The following MGA variants were observed in gnomAD, a reference collection of about 807,000 sequenced individuals.
MGA encodes MAX gene-associated protein.
Under a neutral mutation model 261.1 loss-of-function variants are expected in MGA, and 40 were observed. That is an observed-to-expected ratio of 0.15 (90% CI 0.12 to 0.20). MGA has a LOEUF of 0.20. Among genes scored for constraint, MGA ranks in the 10% least tolerant of loss-of-function variants. MGA has a pLI of 1.00. For synonymous variants in MGA, 1,302 were observed against 1,290.6 expected (o/e 1.01, Z -0.19); for missense variants, 3,397 against 3,630.5 (o/e 0.94, Z 1.65).
intron 5 of MGA, among the ~76,000 whole-genome samples, chr15:41,701,183 C>A (rs1413878817): frequency 6.6e-6 from 1 of 151,840 alleles, no homozygotes; most frequent in African/African-American, 2.4e-5. Context: ...CTTTTTTTCT[C>A]CCCTTTTCCT....
chr15:41,727,169 T>G lies in MGA; in HGVS notation c.3431-11T>G, dbSNP rs562458895. Reference sequence around the variant, plus strand: ...AAAGTACCTAAAACCTTACCCTTCTTTTTTGTTAAGCTATATGTGAGACAG... The same window carrying G: ...AAAGTACCTAAAACCTTACCCTTCTGTTTTGTTAAGCTATATGTGAGACAG... On this transcript the variant is annotated splice_polypyrimidine_tract_variant and intron_variant, in intron 9 of 23. Coordinates refer to ENST00000219905, the MANE Select transcript of MGA (RefSeq NM_001164273.2). The G allele has an allele frequency of 3.7e-6, 6 of 1,603,692 alleles. No homozygotes were observed. Among genetic ancestry groups the G allele is most frequent in the Non-Finnish European group, 4.3e-6 (5 of 1,174,796 alleles).
At chr15:41,717,375 T>A (rs1271576972) in intron 9 of MGA, among the ~76,000 whole-genome samples, 1 of 151,952 alleles carries the variant, frequency 6.6e-6, no homozygotes, top group Non-Finnish European at 1.5e-5. Context: ...AGAAAAAAAA[T>A]CAATAAAATT....
intron 2 of MGA, among the ~76,000 whole-genome samples, chr15:41,679,703 C>T (rs4465584): frequency 0.78 from 118,982 of 151,840 alleles, 47,096 homozygotes; most frequent in East Asian, 0.89. Context: ...AAGTGAGTGG[C>T]TTGTGTGTGT....
chr15:41,625,738 A>G (rs2056434655), intron 1 of MGA, among the ~76,000 whole-genome samples: 1 of 152,116 alleles, frequency 6.6e-6, no homozygotes, highest in Non-Finnish European at 1.5e-5. Flanking sequence ...AATAAAAATA[A>G]ATAAATACGG....
intron 1 of MGA, among the ~76,000 whole-genome samples, chr15:41,636,089 A>G (rs571354565): frequency 7.9e-5 from 12 of 152,168 alleles, no homozygotes; most frequent in African/African-American, 2.6e-4. Context: ...TGCATTTACT[A>G]TACTATACTT....
chr15:41,644,409 A>C lies in MGA; in HGVS notation c.-68+23111A>C, dbSNP rs559305020. ...GGTGGCTCACATCTGTAATCCCAGC[A>C]CTTAGGGAGGCCGAGGTTGGAGGAT... On this transcript the variant is annotated intron_variant, in intron 1 of 8. Transcript: ENST00000566718. Among the ~76,000 whole-genome samples the C allele has an allele frequency of 2.6e-5, 4 of 151,236 alleles. No individual in the cohort carries two copies. In the South Asian group the frequency reaches 8.4e-4, roughly 32 times the overall value.
intron 15 of MGA, among the ~76,000 whole-genome samples, chr15:41,748,250 C>T (rs1567075303): frequency 7.3e-6 from 1 of 137,716 alleles, no homozygotes. Context: ...AACCCTGCCT[C>T]TTTAAAAAAA....
intron 9 of MGA, among the ~76,000 whole-genome samples, chr15:41,724,293 A>G (rs1291525311): frequency 6.6e-6 from 1 of 151,960 alleles, no homozygotes; most frequent in African/African-American, 2.4e-5. Flanking sequence ...CATGCTACCT[A>G]TTTCCTTTCC....
In MGA at chr15:41,696,613, C is replaced by G; in HGVS notation, c.1603C>G (p.Pro535Ala). The G allele has an allele frequency of 6.2e-7, 1 of 1,613,830 alleles. No homozygotes were observed. The highest frequency in any genetic ancestry group is 8.5e-7 in the Non-Finnish European group (1 of 1,179,826). The change falls in exon 3 of 24, where the codon CCA (proline) becomes GCA (alanine). Residue 535 changes from proline to alanine, a missense_variant. By Grantham distance (27) the Pro-to-Ala change is conservative. This residue lies in a region of MGA where 563 missense variants were observed against 563.6 expected (regional missense o/e 1.00). Transcript: ENST00000219905. ...AGAAAATGGTCTTAGAAAACATTCA[C>G]CAGATCTCAGAGTGGTACAAAAATA...
chr15:41,698,925 A>G lies in MGA; in HGVS notation c.2076A>G (p.Ser692=), dbSNP rs2059688679. ...AAGAATCTTCTAGTCTCCAGGCATC[A>G]ACCACAAATGACTCAGGTATTATAA... Residue 692 remains serine (S), a synonymous_variant, in exon 4 of 24, where the codon TCA becomes TCG. Coordinates refer to ENST00000219905, the MANE Select transcript of MGA (RefSeq NM_001164273.2). 6.4e-7 allele frequency: 1 copy of G among 1,550,812 alleles called. No homozygotes were observed. The highest frequency in any genetic ancestry group is 8.7e-7 in the Non-Finnish European group (1 of 1,146,696).
At chr15:41,713,698 G>A (rs2151505658) in intron 9 of MGA, among the ~76,000 whole-genome samples, 1 of 152,254 alleles carries the variant, frequency 6.6e-6, no homozygotes, top group Non-Finnish European at 1.5e-5. Context: ...ATTGTTCTCT[G>A]AGAATTGCTT....
At chr15:41,692,031 T>C (rs569460019) in intron 2 of MGA, among the ~76,000 whole-genome samples, 7 of 152,356 alleles carry the variant, frequency 4.6e-5, no homozygotes, top group South Asian at 2.1e-4. Context: ...TTGTTTCTCT[T>C]GTCTTTTTGG....
intron 1 of MGA, among the ~76,000 whole-genome samples, chr15:41,646,254 G>A (rs2056930568): frequency 6.6e-6 from 1 of 152,006 alleles, no homozygotes; most frequent in Non-Finnish European, 1.5e-5. Context: ...GCTTACTTTC[G>A]TTGCATCCTC....
At chr15:41,640,095 C>T (rs1007242861) in intron 1 of MGA, among the ~76,000 whole-genome samples, 1 of 151,994 alleles carries the variant, frequency 6.6e-6, no homozygotes, top group African/African-American at 2.4e-5. Flanking sequence ...TGAAAATACT[C>T]GACTTTAAGA....
At chr15:41,739,952 T>C (rs778772092) in intron 13 of MGA, 1 of 1,612,798 alleles carries the variant, frequency 6.2e-7, no homozygotes, top group Non-Finnish European at 8.5e-7. Context: ...TTGGGACAGA[T>C]GGGGGCATTG....
chr15:41,696,925 A>G lies in MGA; in HGVS notation c.1915A>G (p.Thr639Ala), dbSNP rs1261792990. The G allele has an allele frequency of 3.1e-6, 5 of 1,601,874 alleles. No homozygotes were observed. In the African/African-American group the frequency reaches 4.0e-5, roughly 13 times the overall value. The stretch of plus-strand genomic sequence containing the variant: ...GAACACAGGAAAGTCTTTAATTTCT[A>G]CAAAGAATACACCTGTAAGCCCTGG... Residue 639 changes from threonine (T) to alanine (A), a missense_variant, in exon 3 of 24, where the codon ACA becomes GCA. Thr to Ala is a moderately conservative substitution (Grantham distance 58). Around this residue, in one of 9 missense-constraint regions of MGA, gnomAD observed 563 missense variants for 563.6 expected, o/e 1.00. Coordinates refer to ENST00000219905, the MANE Select transcript of MGA (RefSeq NM_001164273.2).
At chr15:41,630,034 A>G (rs1048191815) in intron 1 of MGA, among the ~76,000 whole-genome samples, 2 of 152,172 alleles carry the variant, frequency 1.3e-5, no homozygotes, top group Non-Finnish European at 2.9e-5. Context: ...GTTTGAGGAC[A>G]TAAACCCCCA....
chr15:41,754,647 C>G, intron 18 of MGA, 80 bp downstream of exon 18: 1 of 1,390,818 alleles, frequency 7.2e-7, no homozygotes, highest in South Asian at 1.7e-5. Context: ...TTCAGGAGCT[C>G]TGGGTAACTC....
chr15:41,728,954 G>A (rs913815849), intron 10 of MGA, among the ~76,000 whole-genome samples: 4 of 152,186 alleles, frequency 2.6e-5, no homozygotes, highest in Non-Finnish European at 2.9e-5. Context: ...GCTCTGGTAT[G>A]ATCTGAAATT....
Sources: allele counts gnomAD v4.1 joint callset (sites outside exome capture counted in the v4.1 genomes callset), GRCh38; gene constraint gnomAD v4.1.1; regional missense constraint gnomAD v4.1.1; transcripts MANE v1.5; gene names NCBI Gene and HGNC (gene_info 2026-07-23, HGNC 2026-07-21).